The following CTNND2 variants were observed in gnomAD, a reference collection of about 807,000 sequenced individuals.
CTNND2 encodes the protein catenin delta-2.
CTNND2 carries 22 observed loss-of-function variants against 144.4 expected under a neutral mutation model. That is an observed-to-expected ratio of 0.15 (90% CI 0.11 to 0.22). The LOEUF is 0.22. Among genes scored for constraint, CTNND2 ranks in the 10% least tolerant of loss-of-function variants. CTNND2 has a pLI of 1.00. For synonymous variants in CTNND2, 751 were observed against 695.6 expected, an observed-to-expected ratio of 1.08 and a Z score of -1.25; for missense variants, 1,353 against 1,618.8, an observed-to-expected ratio of 0.84 and a Z score of 2.82.
chr5:11,903,855 C>T lies in CTNND2; in HGVS notation c.-2G>A, dbSNP rs1738116669. Reference sequence around the variant, plus strand: ...GCCCGGCGGCTTCCTCGCAAACATGCACCCTCCGCCGGCGACAGCTCCTCA... The same window carrying T: ...GCCCGGCGGCTTCCTCGCAAACATGTACCCTCCGCCGGCGACAGCTCCTCA... On this transcript the variant is annotated 5_prime_UTR_variant, in exon 1 of 22. Coordinates refer to ENST00000304623, the MANE Select transcript of CTNND2 (RefSeq NM_001332.4). The surrounding 1 kb of genome is among the most constrained non-coding windows in gnomAD (Gnocchi z 5.4). 3.4e-6 allele frequency: 5 copies of T among 1,480,646 alleles called. No homozygotes were observed. Among genetic ancestry groups the T allele is most frequent in the South Asian group, 1.3e-5 (1 of 78,872 alleles). 91.7% of individuals were successfully genotyped at this position (1,480,646 alleles called of 1,614,324 possible).
intron 15 of CTNND2, among the ~76,000 whole-genome samples, chr5:11,097,394 T>C (rs144399631): frequency 0.012 from 1,775 of 152,286 alleles, 15 homozygotes; most frequent in Middle Eastern, 0.051. Context: ...GGGCTGTCTA[T>C]GGGCAGGGTG....
chr5:11,600,060 A>G (rs1249280486), intron 2 of CTNND2, among the ~76,000 whole-genome samples: 1 of 152,142 alleles, frequency 6.6e-6, no homozygotes, highest in African/African-American at 2.4e-5. Flanking sequence ...TCTGAATTTA[A>G]ATTGTCTATG....
At chr5:11,889,003 G>C (rs1736766885) in intron 1 of CTNND2, among the ~76,000 whole-genome samples, 1 of 152,058 alleles carries the variant, frequency 6.6e-6, no homozygotes. Flanking sequence ...GTCCACCTCA[G>C]CTTCTCAAAG....
chr5:11,349,255 T>C (rs1292794878), intron 8 of CTNND2, among the ~76,000 whole-genome samples: 1 of 152,194 alleles, frequency 6.6e-6, no homozygotes, highest in African/African-American at 2.4e-5. Flanking sequence ...GGAAAGGGGA[T>C]TGTACACTTG....
At chr5:11,836,670 GA>G (rs547916361) in intron 1 of CTNND2, among the ~76,000 whole-genome samples, 19 of 146,476 alleles carry the variant, frequency 1.3e-4, no homozygotes, top group South Asian at 1.1e-3. Flanking sequence ...TTAGAACCAA[GA>G]AAAAAAAAAC....
intron 2 of CTNND2, among the ~76,000 whole-genome samples, chr5:11,585,980 T>G (rs779552319): frequency 1.4e-4 from 21 of 152,156 alleles, no homozygotes; most frequent in Admixed American, 1.2e-3. Context: ...AGGAAACATC[T>G]TGGGAGGCGT....
rs1466839460 is a variant in CTNND2 at position 11,903,206 on chromosome 5, G to A, written c.37+611C>T. 4.0e-5 allele frequency: 39 copies of A among 985,360 alleles called. No homozygotes were observed. The highest frequency in any genetic ancestry group is 6.1e-5 in the Admixed American group (1 of 16,266). The allele number at this position is 985,360 out of a possible 1,614,324, so 61.0% of individuals were successfully genotyped here. On this transcript the variant is annotated intron_variant, in intron 1 of 21. Transcript: ENST00000304623. The surrounding 1 kb of genome is among the most constrained non-coding windows in gnomAD (Gnocchi z 5.4). ...AGGCGGCGCTTTCTGGAGCCTGGCT[G>A]TCTATTGTCAGCACGCAGAAGCCCC... is the stretch of plus-strand genomic sequence containing the variant.
At chr5:11,780,513 G>T (rs573901298) in intron 1 of CTNND2, among the ~76,000 whole-genome samples, 1 of 152,270 alleles carries the variant, frequency 6.6e-6, no homozygotes, top group South Asian at 2.1e-4. Context: ...CCTGGAGAGT[G>T]CAGAGGCTAT....
intron 10 of CTNND2, among the ~76,000 whole-genome samples, chr5:11,225,054 G>A (rs559759802): frequency 6.6e-6 from 1 of 152,198 alleles, no homozygotes; most frequent in Admixed American, 6.5e-5. Flanking sequence ...GTCATTGTGA[G>A]AAAGACTGCC....
At chr5:11,432,121 CT>C (rs5865940) in intron 3 of CTNND2, among the ~76,000 whole-genome samples, 12,936 of 78,266 alleles carry the variant, frequency 0.17, 698 homozygotes, top group African/African-American at 0.25. Context: ...GAGGTTGAGG[CT>C]TTTTTTTTTT....
At chr5:11,279,218 T>C (rs1441685421) in intron 9 of CTNND2, among the ~76,000 whole-genome samples, 5 of 152,174 alleles carry the variant, frequency 3.3e-5, no homozygotes, top group Non-Finnish European at 5.9e-5. Flanking sequence ...CAGACTGTGA[T>C]GTCCATTCAA....
chr5:11,493,993 T>C (rs1008116371), intron 3 of CTNND2, among the ~76,000 whole-genome samples: 5 of 152,262 alleles, frequency 3.3e-5, no homozygotes, highest in African/African-American at 9.6e-5. Context: ...ATTAAAGAGA[T>C]GTCAAATATT....
rs1758561131 is a variant in CTNND2, at chr5:11,159,592, C to T, written c.2143G>A (p.Ala715Thr). ...QLHSSQVLRNATGCLRNVSSA... is the reference protein window; with the variant it reads ...QLHSSQVLRNTTGCLRNVSSA... ...AGGACTGACCTTAGGCACCCGGTGG[C>T]GTTACGCAGCACCTGTGATGAATGC... Residue 715 changes from alanine (A) to threonine (T), a missense_variant, in exon 12 of 22, where the codon GCC (alanine) becomes ACC (threonine). Physicochemically the swap from Ala to Thr is moderately conservative, Grantham distance 58. Transcript: ENST00000304623. 12 of 1,610,428 alleles carry T rather than the reference C, an allele frequency of 7.5e-6. No individual in the cohort carries two copies. Among genetic ancestry groups the T allele is most frequent in the Non-Finnish European group, 8.5e-6 (10 of 1,178,442 alleles).
At chr5:11,815,831 C>T (rs1020579574) in intron 1 of CTNND2, among the ~76,000 whole-genome samples, 1 of 152,168 alleles carries the variant, frequency 6.6e-6, no homozygotes, top group Non-Finnish European at 1.5e-5. Context: ...GGGATTCAGA[C>T]ACCCCCAAGA....
chr5:11,657,752 C>A (rs1167570585), intron 2 of CTNND2, among the ~76,000 whole-genome samples: 1 of 152,022 alleles, frequency 6.6e-6, no homozygotes, highest in Non-Finnish European at 1.5e-5. Context: ...TTTTGATAAA[C>A]CTATTGTGCA....
intron 21 of CTNND2, among the ~76,000 whole-genome samples, chr5:10,974,603 G>A (rs1413488106): frequency 6.6e-6 from 1 of 152,172 alleles, no homozygotes; most frequent in South Asian, 2.1e-4. Context: ...ATAGGGTGAG[G>A]TTAACCCTAC....
intron 21 of CTNND2, among the ~76,000 whole-genome samples, chr5:10,977,026 C>A (rs867233757): frequency 6.6e-6 from 1 of 152,236 alleles, no homozygotes; most frequent in African/African-American, 2.4e-5. Flanking sequence ...TGGGCCCCAG[C>A]AATCTGTGCT....
chr5:11,656,611 C>T (rs1401333340), intron 2 of CTNND2, among the ~76,000 whole-genome samples: 1 of 152,116 alleles, frequency 6.6e-6, no homozygotes, highest in Non-Finnish European at 1.5e-5. Flanking sequence ...ACTCATGCTC[C>T]TACTGATCCA....
intron 1 of CTNND2, among the ~76,000 whole-genome samples, chr5:11,764,156 T>C (rs1032946914): frequency 6.6e-6 from 1 of 151,940 alleles, no homozygotes; most frequent in Admixed American, 6.6e-5. Flanking sequence ...AATGATGTAA[T>C]TGCTGGCATT....
Sources: gnomAD v4.1 joint callset for allele counts (sites outside exome capture counted in the v4.1 genomes callset) on GRCh38, gnomAD v4.1.1 for gene constraint, Gnocchi (gnomAD v3.1) non-coding constraint, MANE v1.5 for transcripts, NCBI Gene and HGNC (gene_info 2026-07-23, HGNC 2026-07-21) for gene names.